Variants in TCF12 observed in about 807,000 individuals in gnomAD.
The protein encoded by TCF12 is transcription factor 12.
In TCF12, 45 loss-of-function variants were observed where a neutral mutation model predicts 86.0. The observed-to-expected ratio is 0.52, with a 90% CI of 0.41 to 0.67. The LOEUF (loss-of-function observed/expected upper bound fraction) is 0.67, where lower values mean the gene tolerates loss of function less well. Among genes scored for constraint, TCF12 ranks in the 30% least tolerant of loss-of-function variants. The pLI is 0.00. For missense variants in TCF12, 881 were observed against 859.9 expected (o/e 1.02, Z -0.31); for synonymous variants, 330 against 299.6 (o/e 1.10, Z -1.05).
At chr15:57,238,747 A>G (rs1278246621) in intron 12 of TCF12, among the ~76,000 whole-genome samples, 3 of 152,248 alleles carry the variant, frequency 2.0e-5, no homozygotes, top group Non-Finnish European at 4.4e-5. Context: ...CTGGCATACA[A>G]TAATGGATTC....
At chr15:56,920,566 A>G (rs1413947700) in intron 2 of TCF12, among the ~76,000 whole-genome samples, 2 of 151,684 alleles carry the variant, frequency 1.3e-5, no homozygotes, top group Non-Finnish European at 2.9e-5. Context: ...CTAAGGGCCC[A>G]CTGCTTTTAT....
chr15:57,231,179 G>A lies in TCF12; in HGVS notation c.607G>A (p.Asp203Asn), dbSNP rs146404306. 1.9e-6 allele frequency: 3 copies of A among 1,613,020 alleles called. No individual in the cohort carries two copies. The highest frequency in any genetic ancestry group is 2.7e-5 in the African/African-American group (2 of 74,988). The change falls in exon 9 of 21, where the codon GAT (aspartate) becomes AAT (asparagine). Residue 203 changes from aspartate (D) to asparagine (N), a missense_variant. Physicochemically the swap from Asp to Asn is conservative, Grantham distance 23 (BLOSUM62 1). Coordinates refer to ENST00000333725, the MANE Select transcript of TCF12 (RefSeq NM_207037.2). Reference sequence around the variant, plus strand: ...ATATGCACCATCCCCAAATTCAGATGATTTCAACCGTGAATCTCCTAGTTA... The same window carrying A: ...ATATGCACCATCCCCAAATTCAGATAATTTCAACCGTGAATCTCCTAGTTA... ...SVYAPSPNSD[D>N]FNRESPSYPS...
chr15:57,182,277 C>G (rs776173344), intron 6 of TCF12, among the ~76,000 whole-genome samples: 83 of 151,958 alleles, frequency 5.5e-4, no homozygotes, highest in Non-Finnish European at 5.3e-4. Flanking sequence ...TCAGTGTTGC[C>G]TAAATGTTTG....
At chr15:57,170,674 TAATATATTA>T (rs2055298461) in intron 6 of TCF12, among the ~76,000 whole-genome samples, 1 of 11,358 alleles carries the variant, frequency 8.8e-5, no homozygotes, top group Non-Finnish European at 1.3e-4. Context: ...TATATATATA[TAATATATTA>T]TATATAATAT....
chr15:57,240,879 CAAAAAAAA>C (rs68154303), intron 12 of TCF12, among the ~76,000 whole-genome samples: 7 of 65,684 alleles, frequency 1.1e-4, no homozygotes, highest in Admixed American at 2.5e-4. Flanking sequence ...GACCCTGTCT[CAAAAAAAA>C]AAAAAAAAAA....
At chr15:57,203,804 C>G (rs1334778163) in intron 8 of TCF12, among the ~76,000 whole-genome samples, 7 of 152,318 alleles carry the variant, frequency 4.6e-5, no homozygotes, top group Middle Eastern at 6.8e-3. Context: ...AGGAGGATCA[C>G]TTGAGCCCAA....
chr15:56,963,027 C>CTTTTTTTTTTTTTTT (rs532973260), intron 3 of TCF12, among the ~76,000 whole-genome samples: 4 of 96,238 alleles, frequency 4.2e-5, no homozygotes, highest in Non-Finnish European at 6.5e-5. Context: ...GTGTTAAGGT[C>CTTTTTTTTTTTTTTT]TTTTTTTTTT....
At chr15:56,918,518 G>GGCTCCTCCCAGTCCCCGACA (rs1567098241), upstream of TCF12, 3 of 315,572 alleles carry the variant, frequency 9.5e-6, no homozygotes, top group African/African-American at 4.7e-5. Flanking sequence ...GCCGCGGTGC[G>GGCTCCTCCCAGTCCCCGACA]GCTCCTCCCA....
intron 12 of TCF12, among the ~76,000 whole-genome samples, 160 bp from the exon 13 acceptor site, chr15:57,243,312 G>T (rs1566973562): frequency 1.3e-5 from 2 of 151,930 alleles, no homozygotes; most frequent in Middle Eastern, 6.8e-3. Flanking sequence ...TTAAACTGAG[G>T]CTTCTGTATG....
chr15:57,140,220 C>A (rs1567502423), intron 5 of TCF12, among the ~76,000 whole-genome samples: 2 of 151,962 alleles, frequency 1.3e-5, no homozygotes, highest in African/African-American at 2.4e-5. Flanking sequence ...TATTATTGAG[C>A]CTTAAAAAGA....
At chr15:56,971,440 A>AG (rs1161101753) in intron 3 of TCF12, among the ~76,000 whole-genome samples, 1 of 152,114 alleles carries the variant, frequency 6.6e-6, no homozygotes, top group Non-Finnish European at 1.5e-5. Context: ...AGAAAAAAAA[A>AG]GAAGGCGGAA....
chr15:57,182,138 C>T (rs1033089265), intron 6 of TCF12, among the ~76,000 whole-genome samples: 2 of 152,042 alleles, frequency 1.3e-5, no homozygotes, highest in Non-Finnish European at 2.9e-5. Flanking sequence ...GCCGGAGATA[C>T]CTCCAGGACA....
chr15:56,938,641 CTTTT>C (rs11071300), intron 3 of TCF12, among the ~76,000 whole-genome samples: 9 of 127,214 alleles, frequency 7.1e-5, no homozygotes, highest in African/African-American at 1.2e-4. Flanking sequence ...TGGTCCGAGA[CTTTT>C]TTTTTTTTTT....
At chr15:57,067,569 G>T (rs1421292873) in intron 4 of TCF12, among the ~76,000 whole-genome samples, 1 of 149,168 alleles carries the variant, frequency 6.7e-6, no homozygotes, top group East Asian at 2.0e-4. Context: ...AAAAAGAGTG[G>T]TTATAGAAGA....
intron 1 of TCF12, 162 bp from the exon 2 acceptor site, chr15:56,919,730 C>CT (rs1343280616): frequency 1.4e-5 from 8 of 588,088 alleles, no homozygotes; most frequent in Non-Finnish European, 1.8e-5. Flanking sequence ...GCACTGAGCC[C>CT]TCCCGCCCCT....
At chr15:57,049,392 C>T (rs1317865214) in intron 3 of TCF12, among the ~76,000 whole-genome samples, 1 of 152,188 alleles carries the variant, frequency 6.6e-6, no homozygotes, top group African/African-American at 2.4e-5. Context: ...TTACCTACTC[C>T]AAACAACCAT....
chr15:57,185,322 A>G (rs1411757235), intron 6 of TCF12, among the ~76,000 whole-genome samples: 2 of 152,226 alleles, frequency 1.3e-5, no homozygotes, highest in African/African-American at 4.8e-5. Context: ...AAGAAACTGA[A>G]GCATTAAATG....
intron 3 of TCF12, among the ~76,000 whole-genome samples, chr15:56,923,669 G>A (rs715338): frequency 0.48 from 72,208 of 151,946 alleles, 18,986 homozygotes; most frequent in Non-Finnish European, 0.58. Context: ...TTAAATCCAT[G>A]TCCTCAACTT....
Position 56,996,283 on chromosome 15 carries a change from A to ATG in TCF12, c.149-67466_149-67465dup, listed in dbSNP as rs141192464. ...GTGTCTGCCAGCTTTTGGTATCAGC[A>ATG]TGGTCTTGGCACAAAAAAAGATGAT... On this transcript the variant is annotated intron_variant, in intron 3 of 20. Transcript: ENST00000333725. Among the ~76,000 whole-genome samples, 1,504 of 152,170 alleles carry ATG rather than the reference A, an allele frequency of 9.9e-3. 27 individuals carry two copies. Among genetic ancestry groups the ATG allele is most frequent in the African/African-American group, 0.034 (1,417 of 41,532 alleles).
Sources: gnomAD v4.1 joint callset for allele counts (sites outside exome capture counted in the v4.1 genomes callset) on GRCh38, gnomAD v4.1.1 for gene constraint, MANE v1.5 for transcripts, NCBI Gene and HGNC (gene_info 2026-07-23, HGNC 2026-07-21) for gene names.